RAB11FIP3: variants seen among roughly 807,000 people sequenced by gnomAD.
RAB11FIP3 encodes RAB11 family interacting protein 3.
RAB11FIP3 carries 17 observed loss-of-function variants against 77.8 expected under a neutral mutation model. The ratio of observed to expected loss-of-function variants is 0.22; its 90% CI spans 0.15 to 0.33. The LOEUF is 0.33. Among genes scored for constraint, RAB11FIP3 ranks in the 10% least tolerant of loss-of-function variants. The pLI is 1.00. For missense variants in RAB11FIP3, 1,005 were observed against 1,011.2 expected (o/e 0.99, Z 0.08); for synonymous variants, 437 against 448.2 (o/e 0.98, Z 0.31).
intron 3 of RAB11FIP3, chr16:474,834 C>T: frequency 1.4e-6 from 2 of 1,423,040 alleles, no homozygotes; most frequent in Non-Finnish European, 1.8e-6. Context: ...CCCTGGGCAA[C>T]ACCAGCAGGA....
At position 507,112 on chromosome 16, in the gene RAB11FIP3, C is replaced by CTTT. The variant is rs565807928; in HGVS notation, c.1499+1501_1499+1503dup. ...TACAGGTGTGCACCACCACACCCAG[C>CTTT]TTTTTTTTTTTTTTTTTTGAGACGG... On this transcript the variant is annotated intron_variant, in intron 8 of 13. Transcript: ENST00000262305. This position sits in a 1 kb window ranked among gnomAD's most constrained non-coding sequence, Gnocchi z 4.6. Among the ~76,000 whole-genome samples, 3 of 136,548 alleles carry CTTT rather than the reference C, an allele frequency of 2.2e-5. No individual in the cohort carries two copies. Among genetic ancestry groups the CTTT allele is most frequent in the South Asian group, 2.3e-4 (1 of 4,294 alleles). The allele number at this position is 136,548 out of a possible 152,430, so 89.6% of individuals were successfully genotyped here. A position where few individuals can be genotyped will look rare whatever the true frequency, so the allele number is the denominator to read the frequency against.
rs192035355 is a variant in RAB11FIP3 at position 492,772 on chromosome 16, C to T, written c.1265+3772C>T. Among the ~76,000 whole-genome samples the T allele has an allele frequency of 3.6e-3, 542 of 152,252 alleles. 1 individual carries two copies. Among genetic ancestry groups the T allele is most frequent in the Middle Eastern group, 0.017 (5 of 294 alleles). ...GCCTGAAGACTCAGGTCTCGTCTCT[C>T]ATTTTCTGAAGATTTTTGACATAGA... On this transcript the variant is annotated intron_variant, in intron 5 of 13. Transcript: ENST00000262305.
At position 519,835 on chromosome 16, in the gene RAB11FIP3, G is replaced by C; in HGVS notation, c.1804G>C (p.Asp602His). 6.2e-7 allele frequency: 1 copy of C among 1,603,176 alleles called. No homozygotes were observed. The highest frequency in any genetic ancestry group is 8.5e-7 in the Non-Finnish European group (1 of 1,175,192). Residue 602 changes from aspartate to histidine, a missense_variant, in exon 11 of 14, where the codon GAC (aspartate) becomes CAC (histidine). Transcript: ENST00000262305. Reference protein sequence around the residue: ...EEQENKRRMGDRLSHERHQFQ... With the variant: ...EEQENKRRMGHRLSHERHQFQ... The stretch of plus-strand genomic sequence containing the variant: ...GCAGGAGAACAAGAGGAGAATGGGG[G>C]ACAGGCTGAGTCACGAGAGGCACCA...
At chr16:509,750 G>GCC (rs374284650) in intron 8 of RAB11FIP3, among the ~76,000 whole-genome samples, 16 of 148,806 alleles carry the variant, frequency 1.1e-4, no homozygotes, top group African/African-American at 3.5e-4. Flanking sequence ...AGCAGAGTGG[G>GCC]CCCCCCCCCC....
At chr16:473,757 C>T (rs536185842) in intron 3 of RAB11FIP3, among the ~76,000 whole-genome samples, 11 of 152,192 alleles carry the variant, frequency 7.2e-5, no homozygotes, top group Middle Eastern at 3.4e-3. Context: ...TTAGTATTAG[C>T]CAAAGTCCGT....
In RAB11FIP3 at chr16:426,013, TCGGCCCCGC is replaced by T. The variant is rs2054932962; in HGVS notation, c.13_21del (p.Pro5_Ala7del). On this transcript the variant is annotated inframe_deletion, in exon 1 of 14. Transcript: ENST00000262305. This position sits in a 1 kb window ranked among gnomAD's most constrained non-coding sequence, Gnocchi z 5.0. ...CCACTAGCCTCTCGGGAGCATGGCG[TCGGCCCCGC>T]CGGCCTCGCCCCCGGGCTCGGAGCC... 29 of 988,640 alleles carry T rather than the reference TCGGCCCCGC, an allele frequency of 2.9e-5. No individual in the cohort carries two copies. The highest frequency in any genetic ancestry group is 3.4e-5 in the Non-Finnish European group (28 of 833,478). The allele number at this position is 988,640 out of a possible 1,614,324, so 61.2% of individuals were successfully genotyped here.
chr16:429,614 T>G (rs2055004431), intron 1 of RAB11FIP3, among the ~76,000 whole-genome samples: 1 of 152,000 alleles, frequency 6.6e-6, no homozygotes, highest in South Asian at 2.1e-4. Context: ...ATTCTCCTGC[T>G]TCAGCCTCCC....
chr16:427,958 G>A (rs2054978270), intron 1 of RAB11FIP3, among the ~76,000 whole-genome samples: 2 of 152,132 alleles, frequency 1.3e-5, no homozygotes, highest in South Asian at 2.1e-4. Context: ...AAAATTAGTC[G>A]GGCGTGGTGG....
intron 3 of RAB11FIP3, 53 bp from the exon 4 acceptor site, chr16:482,472 C>G: frequency 6.4e-7 from 1 of 1,552,874 alleles, no homozygotes; most frequent in Non-Finnish European, 8.9e-7. Flanking sequence ...GTGGGGCGTT[C>G]GCAGTTCCCC....
At chr16:445,126 A>AAAG (rs2055292014) in intron 1 of RAB11FIP3, among the ~76,000 whole-genome samples, 3 of 140,140 alleles carry the variant, frequency 2.1e-5, no homozygotes, top group African/African-American at 8.0e-5. Context: ...AAAAAAAAAA[A>AAAG]AAAAAGAAAA....
intron 10 of RAB11FIP3, 109 bp from the exon 11 acceptor site, chr16:519,645 C>T (rs1480427301): frequency 6.9e-7 from 1 of 1,445,330 alleles, no homozygotes. Flanking sequence ...ACGGGCGCCA[C>T]CGCGTTGCTG....
intron 1 of RAB11FIP3, among the ~76,000 whole-genome samples, chr16:459,770 A>C (rs1012467093): frequency 6.6e-6 from 1 of 151,972 alleles, no homozygotes; most frequent in African/African-American, 2.4e-5. Flanking sequence ...CATTTCTTTA[A>C]GGACTAATTG....
Position 472,898 on chromosome 16 carries a change from C to T in RAB11FIP3, c.903+1509C>T, listed in dbSNP as rs765274463. On this transcript the variant is annotated intron_variant, in intron 3 of 13. Transcript: ENST00000262305. This position sits in a 1 kb window ranked among gnomAD's most constrained non-coding sequence, Gnocchi z 4.1. ...TCCAGTGACAGGTGTCCCTGGAAGA[C>T]GGGAGAGACACACAGGGGGAAGACC... 5.3e-5 allele frequency among the ~76,000 whole-genome samples: 8 copies of T among 152,096 alleles called. No individual in the cohort carries two copies. The East Asian group carries it at 5.8e-4, about 11-fold the overall frequency.
chr16:516,796 G>A (rs2032436574), intron 9 of RAB11FIP3, among the ~76,000 whole-genome samples: 1 of 152,150 alleles, frequency 6.6e-6, no homozygotes, highest in African/African-American at 2.4e-5. Context: ...AGAATCACTT[G>A]AACCTGGGAG....
At position 471,324 on chromosome 16, in the gene RAB11FIP3, G is replaced by A. The variant is rs774006830; in HGVS notation, c.838G>A (p.Ala280Thr). The change falls in exon 3 of 14, where the codon GCT becomes ACT. Residue 280 changes from alanine to threonine, a missense_variant. Ala to Thr is a moderately conservative substitution (Grantham distance 58, BLOSUM62 0). Coordinates refer to ENST00000262305, the MANE Select transcript of RAB11FIP3 (RefSeq NM_014700.4). The surrounding 1 kb of genome is among the most constrained non-coding windows in gnomAD (Gnocchi z 4.4). ...TGATGGCCAGTGCTACGGTGGTGTC[G>A]CTTCTGCCCAAGATGAGGAGCCCCT... ...DPDGQCYGGV[A>T]SAQDEEPLAC... 1.7e-5 allele frequency: 27 copies of A among 1,613,854 alleles called. 1 individual carries two copies. The highest frequency in any genetic ancestry group is 5.5e-5 in the South Asian group (5 of 91,060).
rs527820719 is a variant in RAB11FIP3, at chr16:497,905, C to T, written c.1301+1046C>T. Among the ~76,000 whole-genome samples the T allele has an allele frequency of 2.9e-3, 422 of 146,100 alleles. 5 individuals are homozygous for T. The highest frequency in any genetic ancestry group is 0.01 in the African/African-American group (405 of 38,938). ...CCTTTCTGACTCGGTTTCTTTGGGA[C>T]CAGCCTGAGCAACTTAGTGAAACCC... On this transcript the variant is annotated intron_variant, in intron 6 of 13. Coordinates refer to ENST00000262305, the MANE Select transcript of RAB11FIP3 (RefSeq NM_014700.4).
chr16:497,939 C>CA (rs747783090), intron 6 of RAB11FIP3, among the ~76,000 whole-genome samples: 1,063 of 46,020 alleles, frequency 0.023, 7 homozygotes, highest in African/African-American at 0.044. Context: ...CCTGTCTCTA[C>CA]AAAAAAAAAA....
At chr16:469,653 G>C (rs988170283) in intron 2 of RAB11FIP3, among the ~76,000 whole-genome samples, 1 of 152,058 alleles carries the variant, frequency 6.6e-6, no homozygotes, top group African/African-American at 2.4e-5. Flanking sequence ...GCCTCCCAAA[G>C]TGCTAGGATT....
intron 3 of RAB11FIP3, among the ~76,000 whole-genome samples, chr16:477,075 G>C (rs1396033264): frequency 9.4e-6 from 1 of 106,766 alleles, no homozygotes; most frequent in Admixed American, 1.1e-4. Context: ...GACAGAGCAA[G>C]ACTCCGTCTC....
Sources: gnomAD v4.1 joint callset for allele counts (sites outside exome capture counted in the v4.1 genomes callset) on GRCh38, gnomAD v4.1.1 for gene constraint, Gnocchi (gnomAD v3.1) non-coding constraint, MANE v1.5 for transcripts, NCBI Gene and HGNC (gene_info 2026-07-23, HGNC 2026-07-21) for gene names.